FRMD4A: variants seen among roughly 807,000 people sequenced by gnomAD.
The protein encoded by FRMD4A is FERM domain containing 4A.
In FRMD4A, 29 loss-of-function variants were observed where a neutral mutation model predicts 129.1. The observed-to-expected ratio is 0.22, with a 90% CI of 0.17 to 0.31. The LOEUF is 0.31. Among genes scored for constraint, FRMD4A ranks in the 10% least tolerant of loss-of-function variants. The probability of loss-of-function intolerance (pLI) is 1.00; values close to 1 mark genes in which losing one functional copy is unlikely to be tolerated. For missense variants in FRMD4A, 1,272 were observed against 1,375.8 expected, an observed-to-expected ratio of 0.92 and a Z score of 1.19; for synonymous variants, 634 against 571.6, an observed-to-expected ratio of 1.11 and a Z score of -1.56.
intron 2 of FRMD4A, among the ~76,000 whole-genome samples, chr10:14,104,991 G>T (rs1452122358): frequency 6.6e-6 from 1 of 152,198 alleles, no homozygotes; most frequent in Admixed American, 6.5e-5. Context: ...CTCCACTGTG[G>T]CAGGACTTCT....
At chr10:14,197,747 A>G (rs971570031) in intron 2 of FRMD4A, among the ~76,000 whole-genome samples, 6 of 152,240 alleles carry the variant, frequency 3.9e-5, no homozygotes, top group Middle Eastern at 3.2e-3. Context: ...GCAAGCATAC[A>G]TGTAAACTTT....
intron 9 of FRMD4A, among the ~76,000 whole-genome samples, chr10:13,745,744 C>G (rs2091256691): frequency 6.6e-6 from 1 of 152,190 alleles, no homozygotes; most frequent in African/African-American, 2.4e-5. Context: ...AGACCCACAA[C>G]AGGACAGGTC....
intron 8 of FRMD4A, among the ~76,000 whole-genome samples, chr10:13,759,139 G>A (rs1454501409): frequency 2.0e-5 from 3 of 152,162 alleles, no homozygotes; most frequent in African/African-American, 7.2e-5. Context: ...CCATGGTGTA[G>A]GTTTTAGGCT....
intron 2 of FRMD4A, among the ~76,000 whole-genome samples, chr10:13,988,659 C>A (rs985942886): frequency 6.6e-6 from 1 of 152,016 alleles, no homozygotes; most frequent in Non-Finnish European, 1.5e-5. Flanking sequence ...TGGATAGATA[C>A]CGATAGATCG....
chr10:14,186,846 A>T (rs1842160585), intron 2 of FRMD4A, among the ~76,000 whole-genome samples: 1 of 151,954 alleles, frequency 6.6e-6, no homozygotes. Flanking sequence ...TCTGACCAGT[A>T]TGGTGGTTCA....
intron 2 of FRMD4A, among the ~76,000 whole-genome samples, chr10:13,860,046 T>C (rs2131041969): frequency 1.3e-5 from 2 of 152,316 alleles, no homozygotes; most frequent in Middle Eastern, 3.4e-3. Flanking sequence ...AAGCCTGATT[T>C]GTAGCATTTG....
intron 2 of FRMD4A, among the ~76,000 whole-genome samples, chr10:13,998,371 T>A (rs549056202): frequency 1.2e-4 from 18 of 152,278 alleles, no homozygotes; most frequent in Non-Finnish European, 1.9e-4. Context: ...TGAGAAGAAA[T>A]CACATAATTG....
chr10:14,056,971 G>A (rs1246946017), intron 2 of FRMD4A, among the ~76,000 whole-genome samples: 3 of 152,112 alleles, frequency 2.0e-5, no homozygotes, highest in Non-Finnish European at 2.9e-5. Flanking sequence ...TTAGCCTTGC[G>A]AGGTCTGGCA....
Position 13,660,433 on chromosome 10 carries a change from A to C in FRMD4A, c.1781T>G (p.Met594Arg), listed in dbSNP as rs1464574934. The stretch of plus-strand genomic sequence containing the variant: ...GTCATAGTCGTTGCGGTGATAGTGC[A>C]TCTGTCGGAGTCCCTCCAGGGACTG... ...PPQSLEGLRQ[M>R]HYHRNDYDKS... Residue 594 changes from methionine to arginine, a missense_variant, in exon 20 of 25, where the codon ATG becomes AGG. By Grantham distance (91) the Met-to-Arg change is moderately conservative. Transcript: ENST00000357447. 6.2e-7 allele frequency: 1 copy of C among 1,614,064 alleles called. No individual in the cohort carries two copies.
chr10:13,889,323 T>C (rs756647228), intron 2 of FRMD4A, among the ~76,000 whole-genome samples: 8 of 152,266 alleles, frequency 5.3e-5, no homozygotes, highest in Non-Finnish European at 8.8e-5. Flanking sequence ...ATATCTGCTA[T>C]TCCACAGAGC....
At chr10:14,068,519 A>G (rs1835165903) in intron 2 of FRMD4A, among the ~76,000 whole-genome samples, 1 of 152,174 alleles carries the variant, frequency 6.6e-6, no homozygotes, top group African/African-American at 2.4e-5. Context: ...TTTAAACCTA[A>G]CTTTGGACTG....
chr10:14,129,676 G>T (rs1210486214), intron 2 of FRMD4A, among the ~76,000 whole-genome samples: 1 of 151,852 alleles, frequency 6.6e-6, no homozygotes, highest in Non-Finnish European at 1.5e-5. Flanking sequence ...GGTCGCCTTG[G>T]GTAATTAGTT....
intron 2 of FRMD4A, among the ~76,000 whole-genome samples, chr10:14,250,700 C>T (rs903816018): frequency 6.6e-6 from 1 of 152,118 alleles, no homozygotes; most frequent in African/African-American, 2.4e-5. Flanking sequence ...TGGTGGGAAA[C>T]AACAGATTTA....
chr10:13,971,130 G>T (rs559823360), intron 2 of FRMD4A, among the ~76,000 whole-genome samples: 1 of 151,476 alleles, frequency 6.6e-6, no homozygotes, highest in South Asian at 2.1e-4. Context: ...ACACACGCAC[G>T]CACGCGCTCA....
At chr10:13,830,088 C>CA (rs2130936063) in intron 3 of FRMD4A, among the ~76,000 whole-genome samples, 1 of 152,320 alleles carries the variant, frequency 6.6e-6, no homozygotes, top group South Asian at 2.1e-4. Flanking sequence ...CTTACATGTT[C>CA]TCTCTGGAGG....
At chr10:13,711,390 C>G (rs1475639210) in intron 12 of FRMD4A, among the ~76,000 whole-genome samples, 1 of 152,254 alleles carries the variant, frequency 6.6e-6, no homozygotes, top group Non-Finnish European at 1.5e-5. Flanking sequence ...TCTGACTGAG[C>G]TGGTTTCGGG....
intron 2 of FRMD4A, among the ~76,000 whole-genome samples, chr10:14,296,473 C>T (rs1333644255): frequency 6.6e-6 from 1 of 152,148 alleles, no homozygotes; most frequent in African/African-American, 2.4e-5. Flanking sequence ...GACCCCCATG[C>T]CTTTGTGACT....
chr10:14,055,456 C>CACACAA, intron 2 of FRMD4A, among the ~76,000 whole-genome samples: 2 of 24,798 alleles, frequency 8.1e-5, no homozygotes, highest in Admixed American at 5.9e-4. Flanking sequence ...CACACACACA[C>CACACAA]ACACAAACAC....
intron 15 of FRMD4A, among the ~76,000 whole-genome samples, chr10:13,691,284 G>A (rs940661077): frequency 1.3e-5 from 2 of 152,268 alleles, no homozygotes; most frequent in Admixed American, 6.5e-5. Context: ...CACTGCGCCC[G>A]GCCAGATTTC....
Sources: allele counts gnomAD v4.1 joint callset (sites outside exome capture counted in the v4.1 genomes callset), GRCh38; gene constraint gnomAD v4.1.1; transcripts MANE v1.5; gene names NCBI Gene and HGNC (gene_info 2026-07-23, HGNC 2026-07-21).